The following YIPF1 variants were observed in gnomAD, a reference collection of about 807,000 sequenced individuals.
YIPF1 encodes Yip1 domain family member 1.
Under a neutral mutation model 37.0 loss-of-function variants are expected in YIPF1, and 22 were observed. That is an observed-to-expected ratio of 0.59 (90% CI 0.42 to 0.85). YIPF1 has a LOEUF of 0.85. Ranked by LOEUF, YIPF1 falls within the 40% of genes least tolerant of loss-of-function variation. YIPF1 has a pLI of 0.00. For missense variants in YIPF1, 355 were observed against 373.1 expected (o/e 0.95, Z 0.40); for synonymous variants, 128 against 131.9 (o/e 0.97, Z 0.21).
intron 10 of YIPF1, among the ~76,000 whole-genome samples, chr1:53,859,287 T>A (rs1649803227): frequency 6.6e-6 from 1 of 152,162 alleles, no homozygotes; most frequent in African/African-American, 2.4e-5. Context: ...GATGGACACA[T>A]GATTAGTCAG....
intron 3 of YIPF1, among the ~76,000 whole-genome samples, chr1:53,886,119 C>T (rs998443060): frequency 4.0e-5 from 6 of 151,884 alleles, no homozygotes; most frequent in Non-Finnish European, 1.5e-5. Flanking sequence ...GCGATAACTC[C>T]TCTAGTTATT....
chr1:53,856,517 T>C (rs865827333), intron 10 of YIPF1, among the ~76,000 whole-genome samples: 5 of 152,178 alleles, frequency 3.3e-5, no homozygotes, highest in Admixed American at 1.3e-4. Flanking sequence ...CGTCTTATCA[T>C]GGTTCCCCTG....
chr1:53,871,522 A>C (rs547322793), intron 6 of YIPF1, 34 bp from the exon 7 acceptor site: 3 of 1,507,720 alleles, frequency 2.0e-6, no homozygotes, highest in African/African-American at 2.8e-5. Flanking sequence ...AGAAACAAGA[A>C]AATGAAGCAT....
intron 3 of YIPF1, among the ~76,000 whole-genome samples, chr1:53,886,893 T>A (rs1424960810): frequency 1.3e-5 from 2 of 151,794 alleles, no homozygotes; most frequent in Non-Finnish European, 2.9e-5. Flanking sequence ...GAAGGGAGAA[T>A]GTCCCACACA....
At chr1:53,864,355 T>C (rs1012106536) in intron 9 of YIPF1, among the ~76,000 whole-genome samples, 2 of 152,374 alleles carry the variant, frequency 1.3e-5, no homozygotes, top group East Asian at 3.9e-4. Flanking sequence ...AAATTAATAG[T>C]GTCATTCTGC....
chr1:53,866,250 T>C lies in YIPF1; in HGVS notation c.781A>G (p.Thr261Ala). Residue 261 changes from threonine to alanine, a missense_variant, in exon 9 of 11, where the codon ACA becomes GCA. Coordinates refer to ENST00000072644, the MANE Select transcript of YIPF1 (RefSeq NM_018982.5). ...REDNRRVALA[T>A]IVTIVLLHML... ...TGGAGCAACACAATTGTCACAATTG[T>C]GGCCAATGCAACGCGTCGGTTATCC... The C allele has an allele frequency of 6.2e-7, 1 of 1,614,174 alleles. No homozygotes were observed. Among genetic ancestry groups the C allele is most frequent in the Non-Finnish European group, 8.5e-7 (1 of 1,180,028 alleles).
At chr1:53,869,620 G>A (rs566766341) in intron 7 of YIPF1, among the ~76,000 whole-genome samples, 39 of 152,082 alleles carry the variant, frequency 2.6e-4, no homozygotes, top group Non-Finnish European at 4.1e-4. Context: ...AGCAGAGCAG[G>A]CAGGGAGAGA....
intron 10 of YIPF1, among the ~76,000 whole-genome samples, chr1:53,857,647 A>C (rs1472659293): frequency 1.3e-5 from 2 of 152,186 alleles, no homozygotes; most frequent in Admixed American, 1.3e-4. Context: ...AATGTGGTCA[A>C]GAGGGCCAGT....
intron 7 of YIPF1, among the ~76,000 whole-genome samples, chr1:53,870,798 G>T (rs570721899): frequency 6.6e-6 from 1 of 151,914 alleles, no homozygotes; most frequent in Non-Finnish European, 1.5e-5. Flanking sequence ...AATCACTTGA[G>T]CCCAAGAGTT....
At chr1:53,857,511 G>A (rs1649750159) in intron 10 of YIPF1, among the ~76,000 whole-genome samples, 1 of 152,110 alleles carries the variant, frequency 6.6e-6, no homozygotes, top group African/African-American at 2.4e-5. Context: ...CTAAAAAATG[G>A]GAAAGTGAAA....
intron 4 of YIPF1, among the ~76,000 whole-genome samples, chr1:53,881,997 G>A (rs1650513728): frequency 6.6e-6 from 1 of 152,202 alleles, no homozygotes; most frequent in East Asian, 1.9e-4. Context: ...AAGAAAATAT[G>A]GTATATATAC....
intron 6 of YIPF1, among the ~76,000 whole-genome samples, chr1:53,876,176 A>G (rs1271730594): frequency 5.3e-5 from 8 of 152,010 alleles, no homozygotes; most frequent in Non-Finnish European, 8.8e-5. Flanking sequence ...CTTTTCATAT[A>G]TTTATTGGCA....
Position 53,860,131 on chromosome 1 carries a change from T to C in YIPF1, c.854A>G (p.Glu285Gly). ...GCLAYFFDAP[E>G]MDHLPTTTAT... ...TGTAGTTGTTGGGAGATGGTCCATC[T>C]CTGGTGCATCAAAAAAGTATGCCTG... is the stretch of plus-strand genomic sequence containing the variant. The change falls in exon 10 of 11, where the codon GAG (glutamate) becomes GGG (glycine). Residue 285 changes from glutamate to glycine, a missense_variant. Transcript: ENST00000072644. The C allele has an allele frequency of 2.5e-6, 4 of 1,614,116 alleles. 1 individual carries two copies. The highest frequency in any genetic ancestry group is 8.5e-7 in the Non-Finnish European group (1 of 1,180,002).
chr1:53,854,851 T>G (rs1649681522), intron 10 of YIPF1: 1 of 152,168 alleles, frequency 6.6e-6, no homozygotes, highest in African/African-American at 2.4e-5. Flanking sequence ...TCCAAGTGTC[T>G]GCTGGGTGCT....
chr1:53,863,230 A>G (rs1487190624), intron 9 of YIPF1, among the ~76,000 whole-genome samples: 1 of 152,160 alleles, frequency 6.6e-6, no homozygotes, highest in East Asian at 1.9e-4. Flanking sequence ...TAATGGGTAA[A>G]AAGTTCAGGA....
chr1:53,879,003 T>A (rs1650414901), intron 4 of YIPF1, among the ~76,000 whole-genome samples: 1 of 152,208 alleles, frequency 6.6e-6, no homozygotes, highest in South Asian at 2.1e-4. Context: ...CTTAGTTCCC[T>A]TATCTAGATT....
At chr1:53,882,091 T>G (rs925160327) in intron 4 of YIPF1, among the ~76,000 whole-genome samples, 4 of 152,186 alleles carry the variant, frequency 2.6e-5, no homozygotes, top group Non-Finnish European at 5.9e-5. Context: ...GCCATTATCC[T>G]TAGCAAACTA....
At chr1:53,865,672 C>T (rs987753881) in intron 9 of YIPF1, among the ~76,000 whole-genome samples, 2 of 152,160 alleles carry the variant, frequency 1.3e-5, no homozygotes, top group African/African-American at 2.4e-5. Flanking sequence ...ACCCCAAATT[C>T]TCATCAGATT....
intron 6 of YIPF1, among the ~76,000 whole-genome samples, chr1:53,875,731 AG>A (rs1650318903): frequency 6.6e-6 from 1 of 152,178 alleles, no homozygotes; most frequent in Middle Eastern, 3.2e-3. Context: ...CTCTTGCCTC[AG>A]GGCCTTTGCA....
Sources: gnomAD v4.1 joint callset for allele counts (sites outside exome capture counted in the v4.1 genomes callset) on GRCh38, gnomAD v4.1.1 for gene constraint, MANE v1.5 for transcripts, NCBI Gene and HGNC (gene_info 2026-07-23, HGNC 2026-07-21) for gene names.